TCF12: variants seen among roughly 807,000 people sequenced by gnomAD.
The protein encoded by TCF12 is DNA-binding protein HTF4.
In TCF12, 45 loss-of-function variants were observed where a neutral mutation model predicts 86.0. The ratio of observed to expected loss-of-function variants is 0.52; its 90% CI spans 0.41 to 0.67. The LOEUF (loss-of-function observed/expected upper bound fraction) is 0.67, where lower values mean the gene tolerates loss of function less well. Ranked by LOEUF, TCF12 falls within the 30% of genes least tolerant of loss-of-function variation. TCF12 has a pLI of 0.00. For missense variants in TCF12, 881 were observed against 859.9 expected, an observed-to-expected ratio of 1.02 and a Z score of -0.31; for synonymous variants, 330 against 299.6, an observed-to-expected ratio of 1.10 and a Z score of -1.05.
At chr15:57,039,098 A>G (rs192868666) in intron 3 of TCF12, among the ~76,000 whole-genome samples, 3 of 152,324 alleles carry the variant, frequency 2.0e-5, no homozygotes, top group Non-Finnish European at 4.4e-5. Context: ...ATTCCGTACC[A>G]TTAATTCACA....
chr15:56,949,491 C>A (rs1567150390), intron 3 of TCF12, among the ~76,000 whole-genome samples: 1 of 152,114 alleles, frequency 6.6e-6, no homozygotes, highest in East Asian at 1.9e-4. Flanking sequence ...AAAGCATTTC[C>A]TTTAGGCAAG....
At chr15:57,194,315 A>G (rs1007197699) in intron 7 of TCF12, among the ~76,000 whole-genome samples, 4 of 152,176 alleles carry the variant, frequency 2.6e-5, no homozygotes, top group Non-Finnish European at 5.9e-5. Flanking sequence ...TGAGGTTGTA[A>G]TGTTAACTTC....
chr15:56,936,724 G>A (rs1334811533), intron 3 of TCF12, among the ~76,000 whole-genome samples: 2 of 152,252 alleles, frequency 1.3e-5, no homozygotes, highest in Admixed American at 6.5e-5. Flanking sequence ...AGCACCATTT[G>A]TTGAATGGGG....
At chr15:57,272,969 C>T (rs780831256) in intron 18 of TCF12, 61 bp from the exon 19 acceptor site, 7 of 1,466,404 alleles carry the variant, frequency 4.8e-6, no homozygotes, top group Non-Finnish European at 5.6e-6. Flanking sequence ...TAATTGTGCA[C>T]AATCAGCATA....
chr15:57,231,847 G>T (rs1157022126), intron 9 of TCF12, among the ~76,000 whole-genome samples: 1 of 151,930 alleles, frequency 6.6e-6, no homozygotes, highest in African/African-American at 2.4e-5. Context: ...ACTATAATAT[G>T]GTAATTATCA....
At chr15:57,211,315 A>G (rs908422583) in intron 8 of TCF12, among the ~76,000 whole-genome samples, 1 of 152,190 alleles carries the variant, frequency 6.6e-6, no homozygotes, top group African/African-American at 2.4e-5. Context: ...TTCTAATACT[A>G]GCACTTTGGG....
chr15:57,082,045 A>G (rs1367483296), intron 4 of TCF12, among the ~76,000 whole-genome samples: 2 of 152,252 alleles, frequency 1.3e-5, no homozygotes, highest in African/African-American at 4.8e-5. Context: ...CAGTTATTAA[A>G]TAAACATTGT....
At chr15:57,156,343 T>TA (rs1364958762) in intron 5 of TCF12, among the ~76,000 whole-genome samples, 15 of 151,974 alleles carry the variant, frequency 9.9e-5, no homozygotes, top group Non-Finnish European at 1.8e-4. Context: ...ATTTTTTAGG[T>TA]AAAAAAAACT....
intron 4 of TCF12, among the ~76,000 whole-genome samples, chr15:57,087,445 T>C (rs1263190769): frequency 6.7e-6 from 1 of 149,610 alleles, no homozygotes; most frequent in Non-Finnish European, 1.5e-5. Flanking sequence ...ATATATATAT[T>C]TGATTATGTG....
At chr15:57,005,606 C>T (rs1314249134) in intron 3 of TCF12, among the ~76,000 whole-genome samples, 2 of 152,248 alleles carry the variant, frequency 1.3e-5, no homozygotes, top group Non-Finnish European at 2.9e-5. Context: ...CTTGGTCTGT[C>T]ACCCAGGCTG....
chr15:57,006,714 T>G (rs956866984), intron 3 of TCF12, among the ~76,000 whole-genome samples: 27 of 151,742 alleles, frequency 1.8e-4, no homozygotes, highest in Middle Eastern at 3.4e-3. Flanking sequence ...CTTAGGAGTT[T>G]AAGACCAGCC....
chr15:57,068,870 G>A (rs761411724), intron 4 of TCF12, among the ~76,000 whole-genome samples: 77 of 152,278 alleles, frequency 5.1e-4, no homozygotes, highest in Non-Finnish European at 1.0e-3. Flanking sequence ...GGGTTTTGGT[G>A]AAGATGAAAT....
chr15:57,125,271 A>G lies in TCF12; in HGVS notation c.325+33380A>G, dbSNP rs111293686. The stretch of plus-strand genomic sequence containing the variant: ...TAACTGGTCTTGTTCTCCTTTATCC[A>G]GTGGTAAGGTCTGAAAATAAAATGT... On this transcript the variant is annotated intron_variant, in intron 5 of 20. Coordinates refer to ENST00000333725, the MANE Select transcript of TCF12 (RefSeq NM_207037.2). Among the ~76,000 whole-genome samples, 751 of 152,324 alleles carry G rather than the reference A, an allele frequency of 4.9e-3. 5 individuals are homozygous for G. The highest frequency in any genetic ancestry group is 0.017 in the African/African-American group (698 of 41,576).
intron 3 of TCF12, among the ~76,000 whole-genome samples, chr15:56,921,915 T>C (rs2059810046): frequency 6.6e-6 from 1 of 152,068 alleles, no homozygotes; most frequent in East Asian, 1.9e-4. Flanking sequence ...TTTATTAAAA[T>C]TCATTTTTAA....
At chr15:57,142,370 A>G (rs1388501856) in intron 5 of TCF12, among the ~76,000 whole-genome samples, 3 of 150,730 alleles carry the variant, frequency 2.0e-5, no homozygotes, top group East Asian at 1.9e-4. Context: ...TGTTACATAT[A>G]TATGTCTATA....
At chr15:56,936,265 C>G (rs1011330082) in intron 3 of TCF12, among the ~76,000 whole-genome samples, 6 of 152,036 alleles carry the variant, frequency 3.9e-5, no homozygotes, top group African/African-American at 4.8e-5. Flanking sequence ...GTTTGTTGGC[C>G]ATTTGTATAT....
intron 3 of TCF12, among the ~76,000 whole-genome samples, chr15:56,971,153 T>C (rs2062293693): frequency 6.6e-6 from 1 of 151,822 alleles, no homozygotes; most frequent in South Asian, 2.1e-4. Flanking sequence ...GCTGGGAGCC[T>C]TGGCTCACGC....
chr15:57,243,989 C>A lies in TCF12; in HGVS notation c.1114+439C>A, dbSNP rs111369656. Among the ~76,000 whole-genome samples the A allele has an allele frequency of 3.9e-3, 589 of 152,190 alleles. 2 individuals are homozygous for A. Among genetic ancestry groups the A allele is most frequent in the African/African-American group, 0.014 (571 of 41,510 alleles). On this transcript the variant is annotated intron_variant, in intron 13 of 20. Transcript: ENST00000333725. Reference sequence around the variant, plus strand: ...CAACTCCTGGGCTCAAATGATCCTTCCACCTCAGCCTCCTGAGTAACTGGG... The same window carrying A: ...CAACTCCTGGGCTCAAATGATCCTTACACCTCAGCCTCCTGAGTAACTGGG...
chr15:57,141,581 T>C (rs1344301863), intron 5 of TCF12, among the ~76,000 whole-genome samples: 4 of 152,176 alleles, frequency 2.6e-5, no homozygotes, highest in African/African-American at 9.7e-5. Flanking sequence ...ACTCCCGACC[T>C]CACGTGATCC....
Sources: gnomAD v4.1 joint callset for allele counts (sites outside exome capture counted in the v4.1 genomes callset) on GRCh38, gnomAD v4.1.1 for gene constraint, MANE v1.5 for transcripts, NCBI Gene and HGNC (gene_info 2026-07-23, HGNC 2026-07-21) for gene names.